SHISA9: variants seen among roughly 807,000 people sequenced by gnomAD.
SHISA9 encodes shisa family member 9, also known as protein shisa-9.
A neutral mutation model predicts 38.0 loss-of-function variants in SHISA9; 13 were observed. The observed-to-expected ratio is 0.34, with a 90% CI of 0.22 to 0.54. SHISA9 has a LOEUF of 0.54. Ranked by LOEUF, SHISA9 falls within the 20% of genes least tolerant of loss-of-function variation. SHISA9 has a pLI of 0.91. For synonymous variants in SHISA9, 275 were observed against 242.0 expected (o/e 1.14, Z -1.27); for missense variants, 538 against 575.8 (o/e 0.93, Z 0.67).
the SHISA9 span, among the ~76,000 whole-genome samples, chr16:13,413,068 C>T: frequency 6.6e-6 from 1 of 152,116 alleles, no homozygotes; most frequent in African/African-American, 2.4e-5. Context: ...GGGATTAACT[C>T]ACCTAGATCA....
chr16:13,498,709 A>T, the SHISA9 span, among the ~76,000 whole-genome samples: 1 of 152,190 alleles, frequency 6.6e-6, no homozygotes, highest in Non-Finnish European at 1.5e-5. Flanking sequence ...GTGAGCCAAG[A>T]TCACACCATT....
rs77213411 is a variant in SHISA9 at position 12,933,774 on chromosome 16, T to C, written c.691+16959T>C. Among the ~76,000 whole-genome samples, 712 of 152,282 alleles carry C rather than the reference T, an allele frequency of 4.7e-3. 3 individuals are homozygous for C. Among genetic ancestry groups the C allele is most frequent in the South Asian group, 0.011 (53 of 4,822 alleles). On this transcript the variant is annotated intron_variant, in intron 2 of 4. Transcript: ENST00000558583. ...AGTACACATTCATTCAACAAATCTT[T>C]TTCTTGTGTTATCTAGTTAGGCACT...
rs1441117466 is a variant in SHISA9, at chr16:13,235,046, C to G, written c.912C>G (p.Asp304Glu). The G allele has an allele frequency of 1.9e-6, 3 of 1,546,932 alleles. No individual in the cohort carries two copies. Among genetic ancestry groups the G allele is most frequent in the South Asian group, 2.4e-5 (2 of 83,750 alleles). Reference protein sequence around the residue: ...LKSPKADKVNDDFYTKRRHLA... With the variant: ...LKSPKADKVNEDFYTKRRHLA... ...GATGTGTAGCTGACAAGGTCAATGACGACTTCTACACCAAGCGACGGCACC... is the reference window on the plus strand; with the variant it reads ...GATGTGTAGCTGACAAGGTCAATGAGGACTTCTACACCAAGCGACGGCACC... The change falls in exon 5 of 5, where the codon GAC (aspartate) becomes GAG (glutamate). Residue 304 changes from aspartate to glutamate, a missense_variant. By Grantham distance (45) the Asp-to-Glu change is conservative (BLOSUM62 2). This residue lies in a region of SHISA9 where 326 missense variants were observed against 305.9 expected (regional missense o/e 1.07). Coordinates refer to ENST00000558583, the MANE Select transcript of SHISA9 (RefSeq NM_001145204.3).
the SHISA9 span, among the ~76,000 whole-genome samples, chr16:13,339,165 CTT>C: frequency 3.0e-5 from 4 of 132,832 alleles, no homozygotes; most frequent in African/African-American, 2.8e-5. Context: ...CTTATTGTGA[CTT>C]TTTTTTTTTT....
chr16:13,376,144 C>T, the SHISA9 span, among the ~76,000 whole-genome samples: 4 of 152,280 alleles, frequency 2.6e-5, no homozygotes, highest in East Asian at 5.8e-4. Flanking sequence ...AAAAATTCTG[C>T]TCATAATTGT....
At chr16:12,987,782 C>G (rs1166387726) in intron 2 of SHISA9, among the ~76,000 whole-genome samples, 1 of 152,108 alleles carries the variant, frequency 6.6e-6, no homozygotes, top group African/African-American at 2.4e-5. Flanking sequence ...ATTAGAGCTG[C>G]CATTTTGTTG....
chr16:13,199,589 G>T (rs1240665500), intron 2 of SHISA9, among the ~76,000 whole-genome samples: 2 of 152,206 alleles, frequency 1.3e-5, no homozygotes, highest in Non-Finnish European at 2.9e-5. Context: ...TCCTGTGGGT[G>T]TGATTCTTAT....
intron 2 of SHISA9, among the ~76,000 whole-genome samples, chr16:13,140,098 T>C (rs1213355037): frequency 6.7e-5 from 1 of 14,876 alleles, no homozygotes; most frequent in African/African-American, 2.4e-4. Flanking sequence ...TCCCTTCCCT[T>C]CCCTTCCCTT....
At chr16:12,970,351 GTGTATATA>G (rs1488439967) in intron 2 of SHISA9, among the ~76,000 whole-genome samples, 2,200 of 44,400 alleles carry the variant, frequency 0.05, 72 homozygotes, top group South Asian at 0.091. Flanking sequence ...ATACATATAT[GTGTATATA>G]TATATATATA....
the SHISA9 span, among the ~76,000 whole-genome samples, chr16:13,426,442 C>G: frequency 6.6e-6 from 1 of 152,108 alleles, no homozygotes; most frequent in Non-Finnish European, 1.5e-5. Flanking sequence ...GCGTCTGCAT[C>G]TGGGAGATAG....
chr16:13,294,126 A>G, the SHISA9 span, among the ~76,000 whole-genome samples: 4 of 152,196 alleles, frequency 2.6e-5, no homozygotes, highest in African/African-American at 9.6e-5. Flanking sequence ...AACATATGCA[A>G]TATCCTGCTT....
the SHISA9 span, among the ~76,000 whole-genome samples, chr16:13,267,364 T>C: frequency 0.019 from 2,829 of 152,242 alleles, 88 homozygotes; most frequent in African/African-American, 0.065. Context: ...AGCTGGCAAA[T>C]GTATAACATT....
chr16:13,350,566 C>T, the SHISA9 span: 2 of 152,172 alleles, frequency 1.3e-5, no homozygotes, highest in African/African-American at 4.8e-5. Context: ...AGATTGCTTC[C>T]TGTCTAGCCT....
At chr16:13,444,401 AAGGG>A in the SHISA9 span, among the ~76,000 whole-genome samples, 1,275 of 112,570 alleles carry the variant, frequency 0.011, 19 homozygotes, top group African/African-American at 0.035. Context: ...AGAAGGAAGG[AAGGG>A]AGGGAGGGAG....
chr16:13,060,367 G>C (rs574176324), intron 2 of SHISA9, among the ~76,000 whole-genome samples: 1 of 152,058 alleles, frequency 6.6e-6, no homozygotes, highest in Non-Finnish European at 1.5e-5. Flanking sequence ...TCTACTCTGC[G>C]TCTTATCAAC....
chr16:13,367,724 A>G, the SHISA9 span, among the ~76,000 whole-genome samples: 76 of 133,140 alleles, frequency 5.7e-4, no homozygotes, highest in Middle Eastern at 4.1e-3. Flanking sequence ...ACACACACAC[A>G]CACACACACA....
chr16:13,200,158 G>A (rs946390436), intron 2 of SHISA9, among the ~76,000 whole-genome samples: 3 of 152,036 alleles, frequency 2.0e-5, no homozygotes, highest in African/African-American at 7.2e-5. Flanking sequence ...ATCTTGCTTG[G>A]CATTGCACTT....
At chr16:12,958,944 C>G (rs1383463293) in intron 2 of SHISA9, among the ~76,000 whole-genome samples, 2 of 152,144 alleles carry the variant, frequency 1.3e-5, no homozygotes, top group African/African-American at 4.8e-5. Context: ...CATGATTTAG[C>G]TGATCCCAGC....
chr16:13,539,488 A>C, the SHISA9 span, among the ~76,000 whole-genome samples: 99 of 151,730 alleles, frequency 6.5e-4, no homozygotes, highest in African/African-American at 2.3e-3. Context: ...TAACCAATGC[A>C]TTCTGTTGAC....
Sources: allele counts gnomAD v4.1 joint callset (sites outside exome capture counted in the v4.1 genomes callset), GRCh38; gene constraint gnomAD v4.1.1; regional missense constraint gnomAD v4.1.1; transcripts MANE v1.5; gene names NCBI Gene and HGNC (gene_info 2026-07-23, HGNC 2026-07-21).